The following DNAH17 variants were observed in gnomAD, a reference collection of about 807,000 sequenced individuals.
DNAH17 encodes dynein axonemal heavy chain 17, also known as axonemal beta dynein heavy chain 17.
DNAH17 carries 376 observed loss-of-function variants against 485.6 expected under a neutral mutation model. The ratio of observed to expected loss-of-function variants is 0.77; its 90% CI spans 0.71 to 0.84. The LOEUF (loss-of-function observed/expected upper bound fraction) is 0.84. Ranked by LOEUF, DNAH17 falls within the 40% of genes least tolerant of loss-of-function variation. The probability of loss-of-function intolerance (pLI) is 0.00; values close to 1 mark genes in which losing one functional copy is unlikely to be tolerated. For synonymous variants in DNAH17, 3,031 were observed against 2,405.9 expected (o/e 1.26, Z -7.60); for missense variants, 6,370 against 5,839.3 (o/e 1.09, Z -2.96).
At chr17:78,573,995 C>T (rs905139109) in intron 2 of DNAH17, among the ~76,000 whole-genome samples, 1 of 152,190 alleles carries the variant, frequency 6.6e-6, no homozygotes, top group East Asian at 1.9e-4. Context: ...AATGACACTC[C>T]ATTTTTTCCC....
rs559608589 is a variant in DNAH17, at chr17:78,458,683, G to A, written c.9862-3C>T. On this transcript the variant is annotated splice_region_variant and splice_polypyrimidine_tract_variant and intron_variant, in intron 61 of 80. Coordinates refer to ENST00000389840, the MANE Select transcript of DNAH17 (RefSeq NM_173628.4). ...TTGCTCAGGTTGGCGTTAAGTTCCT[G>A]CAAAACCAAGTTGGAAAGCTGCTGG... 16 of 1,612,990 alleles carry A rather than the reference G, an allele frequency of 9.9e-6. No homozygotes were observed. The African/African-American group carries it at 1.5e-4, about 15-fold the overall frequency.
At chr17:78,502,042 G>T (rs1243317004) in intron 33 of DNAH17, 169 bp from the exon 34 acceptor site, 1 of 922,430 alleles carries the variant, frequency 1.1e-6, no homozygotes, top group Non-Finnish European at 1.6e-6. Flanking sequence ...GTTTCACCAG[G>T]GTGCGGCCCT....
At chr17:78,551,953 ACT>A (rs1322731123) in intron 15 of DNAH17, among the ~76,000 whole-genome samples, 6 of 146,108 alleles carry the variant, frequency 4.1e-5, no homozygotes, top group South Asian at 4.4e-4. Context: ...ACAGAGTGAG[ACT>A]CTATCTCAGG....
chr17:78,429,279 A>G lies in DNAH17; in HGVS notation c.12247T>C (p.Tyr4083His), dbSNP rs765821870. ...NPKVPWDDLR[Y>H]LFGEIMYGGH... The stretch of plus-strand genomic sequence containing the variant: ...CCATACATGATTTCACCAAAAAGGT[A>G]GCGGAGATCGTCCCAGGGCACCTGA... Residue 4083 changes from tyrosine to histidine, a missense_variant, in exon 76 of 81, where the codon TAC becomes CAC. Transcript: ENST00000389840. 3.1e-6 allele frequency: 5 copies of G among 1,613,878 alleles called. No homozygotes were observed. Among genetic ancestry groups the G allele is most frequent in the Non-Finnish European group, 4.2e-6 (5 of 1,179,854 alleles).
rs1392040738 is a variant in DNAH17 at position 78,468,692 on chromosome 17, G to C, written c.8703C>G (p.Val2901=). 1.9e-6 allele frequency: 3 copies of C among 1,614,026 alleles called. No homozygotes were observed. Among genetic ancestry groups the C allele is most frequent in the Non-Finnish European group, 2.5e-6 (3 of 1,179,900 alleles). Residue 2901 remains valine, a synonymous_variant, in exon 55 of 81, where the codon GTC becomes GTG. Coordinates refer to ENST00000389840, the MANE Select transcript of DNAH17 (RefSeq NM_173628.4). ...GAGTGTCATTCATGCCAAGGGACTT[G>C]ACTTGGGGTCGCATGGAGGAGATGA... ...ENIISSMRPQ[V]KSLGMNDTRE...
intron 66 of DNAH17, among the ~76,000 whole-genome samples, 169 bp from the exon 67 acceptor site, chr17:78,451,015 G>A (rs115454537): frequency 0.014 from 2,110 of 152,318 alleles, 45 homozygotes; most frequent in African/African-American, 0.048. Context: ...ACCTCAGAGA[G>A]GCCCTGGCCC....
chr17:78,465,499 GGCC>G (rs1419296027), intron 56 of DNAH17, among the ~76,000 whole-genome samples: 2 of 20,620 alleles, frequency 9.7e-5, no homozygotes, highest in Non-Finnish European at 2.6e-4. Context: ...ACCTCTTCCC[GGCC>G]GCCATCACAT....
chr17:78,445,547 T>C lies in DNAH17; in HGVS notation c.11334+11A>G, dbSNP rs2087248513. 6.4e-7 allele frequency: 1 copy of C among 1,560,374 alleles called. No homozygotes were observed. The highest frequency in any genetic ancestry group is 8.7e-7 in the Non-Finnish European group (1 of 1,151,812). On this transcript the variant is annotated intron_variant, in intron 70 of 80. Transcript: ENST00000389840. Reference sequence around the variant, plus strand: ...GAGAAAGCACAACGTGTTCAACGTCTAAAGACGAACCTTGATCCCGCCCCA... The same window carrying C: ...GAGAAAGCACAACGTGTTCAACGTCCAAAGACGAACCTTGATCCCGCCCCA...
intron 3 of DNAH17, among the ~76,000 whole-genome samples, chr17:78,572,164 C>T (rs1005612926): frequency 2.0e-5 from 3 of 152,160 alleles, no homozygotes; most frequent in South Asian, 2.1e-4. Context: ...AGGCAAAATA[C>T]GGAACTAATT....
chr17:78,487,598 C>A (rs1350950985), intron 44 of DNAH17, among the ~76,000 whole-genome samples: 1 of 152,092 alleles, frequency 6.6e-6, no homozygotes, highest in East Asian at 1.9e-4. Flanking sequence ...GATCTCGGCT[C>A]ACTGCAACTT....
intron 16 of DNAH17, among the ~76,000 whole-genome samples, chr17:78,546,050 C>T (rs1301966975): frequency 6.6e-6 from 1 of 151,964 alleles, no homozygotes; most frequent in Non-Finnish European, 1.5e-5. Context: ...TCTCAGGTCA[C>T]TGCAGCCTCG....
At position 78,532,587 on chromosome 17, in the gene DNAH17, C is replaced by G; in HGVS notation, c.3009G>C (p.Lys1003Asn). The G allele has an allele frequency of 6.2e-7, 1 of 1,608,822 alleles. No individual in the cohort carries two copies. The highest frequency in any genetic ancestry group is 8.5e-7 in the Non-Finnish European group (1 of 1,177,516). ...CTGCACACCCATATATCAGGAAATTCTTCATAAACTCCTGCAGGTTGTCCG... is the reference window on the plus strand; with the variant it reads ...CTGCACACCCATATATCAGGAAATTGTTCATAAACTCCTGCAGGTTGTCCG... ...LWTDNLQEFM[K>N]NFLIYGCAVT... The change falls in exon 20 of 81, where the codon AAG (lysine) becomes AAC (asparagine). Residue 1003 changes from lysine (K) to asparagine (N), a missense_variant. Coordinates refer to ENST00000389840, the MANE Select transcript of DNAH17 (RefSeq NM_173628.4).
intron 74 of DNAH17, 72 bp from the exon 75 acceptor site, chr17:78,434,292 C>A: frequency 6.9e-7 from 1 of 1,450,236 alleles, no homozygotes; most frequent in Non-Finnish European, 9.3e-7. Flanking sequence ...CTGAGGGTGA[C>A]CAGCGTCCAG....
chr17:78,537,384 A>G lies in DNAH17; in HGVS notation c.2774T>C (p.Leu925Pro). 2 of 1,612,830 alleles carry G rather than the reference A, an allele frequency of 1.2e-6. No homozygotes were observed. Among genetic ancestry groups the G allele is most frequent in the African/African-American group, 1.3e-5 (1 of 75,014 alleles). The change falls in exon 19 of 81, where the codon CTG becomes CCG. Residue 925 changes from leucine (L) to proline (P), a missense_variant. Leu to Pro is a moderately conservative substitution (Grantham distance 98). Coordinates refer to ENST00000389840, the MANE Select transcript of DNAH17 (RefSeq NM_173628.4). ...TLEVGSDRGF[L>P]ALIEGLVNDI... The stretch of plus-strand genomic sequence containing the variant: ...GTTGACCAGGCCCTCGATCAGTGCC[A>G]GGAAGCCGCGATCTGAGCCCACCTC...
intron 71 of DNAH17, among the ~76,000 whole-genome samples, chr17:78,441,988 C>A (rs979087508): frequency 1.3e-5 from 2 of 151,854 alleles, no homozygotes; most frequent in Admixed American, 1.3e-4. Flanking sequence ...GAGGCTGAGG[C>A]AGGAGAATCT....
chr17:78,496,383 G>C (rs925166802), intron 37 of DNAH17, among the ~76,000 whole-genome samples: 3 of 144,366 alleles, frequency 2.1e-5, no homozygotes, highest in African/African-American at 7.7e-5. Flanking sequence ...AAATACAAAG[G>C]CAATTCTGTG....
chr17:78,476,718 T>G lies in DNAH17; in HGVS notation c.8008A>C (p.Thr2670Pro). 1 of 1,612,396 alleles carries G rather than the reference T, an allele frequency of 6.2e-7. No individual in the cohort carries two copies. The highest frequency in any genetic ancestry group is 8.5e-7 in the Non-Finnish European group (1 of 1,179,252). The change falls in exon 52 of 81, where the codon ACA becomes CCA. Residue 2670 changes from threonine to proline, a missense_variant. By Grantham distance (38) the Thr-to-Pro change is conservative (BLOSUM62 -1). Coordinates refer to ENST00000389840, the MANE Select transcript of DNAH17 (RefSeq NM_173628.4). ...AGTGGGGTTTTCAGAACTTCTGCTG[T>G]GGAAAATAAGAGTCCCTGCCCCAAA... ...SNIFQGLLFS[T>P]AEVLKTPLDL... is the part of the protein sequence containing the mutation.
At chr17:78,472,167 G>A (rs968917235) in intron 54 of DNAH17, among the ~76,000 whole-genome samples, 1 of 152,170 alleles carries the variant, frequency 6.6e-6, no homozygotes. Context: ...CATAGCCAAT[G>A]CCACTGGCAG....
Position 78,466,741 on chromosome 17 carries a change from T to G in DNAH17, c.8854A>C (p.Thr2952Pro). 1 of 1,612,868 alleles carries G rather than the reference T, an allele frequency of 6.2e-7. No individual in the cohort carries two copies. The highest frequency in any genetic ancestry group is 1.3e-5 in the African/African-American group (1 of 74,954). The change falls in exon 56 of 81, where the codon ACG becomes CCG. Residue 2952 changes from threonine to proline, a missense_variant. Thr to Pro is a conservative substitution (Grantham distance 38, BLOSUM62 -1). Transcript: ENST00000389840. ...CACTCGTGGAACCAGTCGATGGCCGTGCAGTTGACCACAGCTGGGAACTTT... is the reference window on the plus strand; with the variant it reads ...CACTCGTGGAACCAGTCGATGGCCGGGCAGTTGACCACAGCTGGGAACTTT... ...ARKFPAVVNC[T>P]AIDWFHEWPE...
Sources: gnomAD v4.1 joint callset for allele counts (sites outside exome capture counted in the v4.1 genomes callset) on GRCh38, gnomAD v4.1.1 for gene constraint, MANE v1.5 for transcripts, NCBI Gene and HGNC (gene_info 2026-07-23, HGNC 2026-07-21) for gene names.